MARCHF1: variants seen among roughly 807,000 people sequenced by gnomAD.
MARCHF1 encodes membrane associated ring-CH-type finger 1.
Under a neutral mutation model 54.2 loss-of-function variants are expected in MARCHF1, and 40 were observed. The ratio of observed to expected loss-of-function variants is 0.74; its 90% confidence interval spans 0.57 to 0.96. The LOEUF is 0.96. MARCHF1 is among the 40% of genes least tolerant of loss of function. The pLI, the probability that MARCHF1 is intolerant of heterozygous loss-of-function variation, is 0.00. For synonymous variants in MARCHF1, 236 were observed against 236.3 expected (o/e 1.00, Z 0.01); for missense variants, 586 against 656.5 (o/e 0.89, Z 1.17).
chr4:163,550,631 C>T (rs1438934068), intron 8 of MARCHF1, among the ~76,000 whole-genome samples: 1 of 151,904 alleles, frequency 6.6e-6, no homozygotes. Context: ...CTCTGCCTGT[C>T]ATATTGGATT....
chr4:163,986,560 C>T (rs565703414), intron 3 of MARCHF1, among the ~76,000 whole-genome samples: 44 of 152,178 alleles, frequency 2.9e-4, no homozygotes, highest in African/African-American at 9.9e-4. Context: ...CCACGGCACC[C>T]GGCCAACTTC....
intron 5 of MARCHF1, among the ~76,000 whole-genome samples, chr4:163,654,501 T>C (rs542837977): frequency 6.6e-6 from 1 of 151,666 alleles, no homozygotes; most frequent in Non-Finnish European, 1.5e-5. Flanking sequence ...TTCCTGAAAT[T>C]TTGATAACTT....
chr4:163,803,910 A>C (rs751309216), intron 4 of MARCHF1, among the ~76,000 whole-genome samples: 29 of 152,244 alleles, frequency 1.9e-4, no homozygotes, highest in Non-Finnish European at 2.9e-5. Context: ...TGACTTCTGC[A>C]GCTGAAACAA....
At chr4:164,331,147 A>G (rs573894040) in intron 1 of MARCHF1, among the ~76,000 whole-genome samples, 13 of 152,270 alleles carry the variant, frequency 8.5e-5, no homozygotes, top group Middle Eastern at 6.8e-3. Context: ...AATAATAATA[A>G]TGAGACTTTC....
rs1224208802 is a variant in MARCHF1 at position 163,854,005 on chromosome 4, G to GT, written c.111+15dup. On this transcript the variant is annotated intron_variant, in intron 4 of 9. Transcript: ENST00000514618. ...TACATATAAGCCAATTTGAGGTAAAGTAACTTTCCACTCACCAATGTGGAG... is the reference window on the plus strand; with the variant it reads ...TACATATAAGCCAATTTGAGGTAAAGTTAACTTTCCACTCACCAATGTGGAG... 12 of 1,535,192 alleles carry GT rather than the reference G, an allele frequency of 7.8e-6. No individual in the cohort carries two copies. The highest frequency in any genetic ancestry group is 1.0e-5 in the Non-Finnish European group (12 of 1,145,814).
At position 163,527,741 on chromosome 4, in the gene MARCHF1, G is replaced by GTTAA. The variant is rs1189124952; in HGVS notation, c.*1003_*1006dup. 6.1e-5 allele frequency: 9 copies of GTTAA among 148,498 alleles called. No homozygotes were observed. Among genetic ancestry groups the GTTAA allele is most frequent in the Admixed American group, 2.1e-4 (3 of 14,004 alleles). 9.2% of individuals were successfully genotyped at this position (148,498 alleles called of 1,614,324 possible). On this transcript the variant is annotated 3_prime_UTR_variant, in exon 10 of 10. Transcript: ENST00000514618. The stretch of plus-strand genomic sequence containing the variant: ...TTTTACGGCTGTGCTATCCAATATA[G>GTTAA]TTAATTCAAGTTGAAGTGTACTTTT...
chr4:163,678,020 A>C (rs1256906001), intron 5 of MARCHF1, among the ~76,000 whole-genome samples: 1 of 152,236 alleles, frequency 6.6e-6, no homozygotes, highest in African/African-American at 2.4e-5. Context: ...AATTTAGCAG[A>C]TAAATTGGTG....
chr4:163,828,986 C>A (rs753578069), intron 4 of MARCHF1: 3 of 152,316 alleles, frequency 2.0e-5, no homozygotes, highest in Admixed American at 6.5e-5. Context: ...AATGAACATT[C>A]AGGTTCAGGA....
Position 164,340,405 on chromosome 4 carries a change from T to TTTTATATATATATATATATATATATATA in MARCHF1, c.-323+43464_-323+43465insTATATATATATATATATATATATATAAA, listed in dbSNP as rs1327005165. Among the ~76,000 whole-genome samples the TTTTATATATATATATATATATATATATA allele has an allele frequency of 5.2e-3, 499 of 95,432 alleles. 48 individuals are homozygous for TTTTATATATATATATATATATATATATA. Among genetic ancestry groups the TTTTATATATATATATATATATATATATA allele is most frequent in the Middle Eastern group, 9.6e-3 (2 of 208 alleles). The allele number at this position is 95,432 out of a possible 152,430, so 62.6% of individuals were successfully genotyped here. On this transcript the variant is annotated intron_variant, in intron 1 of 9. Coordinates refer to ENST00000514618, the MANE Select transcript of MARCHF1 (RefSeq NM_001394959.1). ...ACAGCACATGCCACCAGGCCTTGATTTATATATAGATATATATATATATAT... is the reference window on the plus strand; with the variant it reads ...ACAGCACATGCCACCAGGCCTTGATTTTTATATATATATATATATATATATATATATATATAGATATATATATATATAT...
chr4:163,794,754 C>CAT (rs1747864367), intron 4 of MARCHF1, among the ~76,000 whole-genome samples: 1 of 152,172 alleles, frequency 6.6e-6, no homozygotes, highest in East Asian at 1.9e-4. Flanking sequence ...CTGGGTTTTA[C>CAT]TTGTTGATTC....
At chr4:164,258,396 T>C (rs1026812719) in intron 1 of MARCHF1, among the ~76,000 whole-genome samples, 2 of 150,230 alleles carry the variant, frequency 1.3e-5, no homozygotes, top group Non-Finnish European at 3.0e-5. Flanking sequence ...TAAAGTATAA[T>C]AATAATAATA....
intron 4 of MARCHF1, among the ~76,000 whole-genome samples, chr4:163,721,784 C>G (rs1745470854): frequency 6.6e-6 from 1 of 152,090 alleles, no homozygotes; most frequent in South Asian, 2.1e-4. Flanking sequence ...AGGAATTTAT[C>G]CATTTCTTCC....
intron 5 of MARCHF1, among the ~76,000 whole-genome samples, chr4:163,649,537 C>A (rs1357410533): frequency 2.0e-5 from 3 of 151,976 alleles, no homozygotes; most frequent in Non-Finnish European, 1.5e-5. Flanking sequence ...AGACTCTAAG[C>A]CTTGCTTGCC....
At chr4:163,941,472 T>C (rs1335350602) in intron 3 of MARCHF1, among the ~76,000 whole-genome samples, 1 of 152,132 alleles carries the variant, frequency 6.6e-6, no homozygotes, top group East Asian at 1.9e-4. Flanking sequence ...ATTAGTTAGG[T>C]AGGTTAAATA....
chr4:163,860,652 C>T (rs1749903408), intron 3 of MARCHF1, among the ~76,000 whole-genome samples: 1 of 152,100 alleles, frequency 6.6e-6, no homozygotes, highest in Admixed American at 6.6e-5. Flanking sequence ...AATACTTCTC[C>T]TCTACTGTAA....
At chr4:163,922,295 A>G (rs1281947564) in intron 3 of MARCHF1, among the ~76,000 whole-genome samples, 1 of 152,178 alleles carries the variant, frequency 6.6e-6, no homozygotes, top group Admixed American at 6.6e-5. Context: ...GCACACCAGC[A>G]TGGTACATGT....
chr4:164,267,053 G>A (rs535170758), intron 1 of MARCHF1, among the ~76,000 whole-genome samples: 39 of 152,226 alleles, frequency 2.6e-4, no homozygotes, highest in African/African-American at 9.4e-4. Context: ...CAAGAATCAA[G>A]ACAGACACAA....
chr4:163,880,029 T>G (rs1473465436), intron 3 of MARCHF1, among the ~76,000 whole-genome samples: 5 of 152,058 alleles, frequency 3.3e-5, no homozygotes, highest in Non-Finnish European at 7.4e-5. Context: ...ATTCACAAAT[T>G]TATAAATTAT....
intron 2 of MARCHF1, among the ~76,000 whole-genome samples, chr4:164,013,593 A>T (rs1753472831): frequency 6.6e-6 from 1 of 152,188 alleles, no homozygotes; most frequent in Admixed American, 6.5e-5. Context: ...GGCATGTAAT[A>T]AACTCTCAAA....
Sources: allele counts gnomAD v4.1 joint callset (sites outside exome capture counted in the v4.1 genomes callset), GRCh38; gene constraint gnomAD v4.1.1; transcripts MANE v1.5; gene names NCBI Gene and HGNC (gene_info 2026-07-23, HGNC 2026-07-21).